The following SRBD1 variants were observed in gnomAD, a reference collection of about 807,000 sequenced individuals.
SRBD1 encodes the protein S1 RNA-binding domain-containing protein 1.
Under a neutral mutation model 115.3 loss-of-function variants are expected in SRBD1, and 88 were observed. That is an observed-to-expected ratio of 0.76 (90% CI 0.64 to 0.91). The LOEUF (loss-of-function observed/expected upper bound fraction) is 0.91, where lower values mean the gene tolerates loss of function less well. SRBD1 is among the 40% of genes least tolerant of loss of function. The pLI is 0.00. For missense variants in SRBD1, 1,385 were observed against 1,177.4 expected (o/e 1.18, Z -2.58); for synonymous variants, 509 against 407.7 (o/e 1.25, Z -2.99).
intron 4 of SRBD1, among the ~76,000 whole-genome samples, chr2:45,590,191 G>C (rs568941976): frequency 6.6e-6 from 1 of 152,178 alleles, no homozygotes; most frequent in Non-Finnish European, 1.5e-5. Context: ...TTATTACAGC[G>C]AAAGAGATCT....
chr2:45,500,723 T>C (rs1470611280), intron 14 of SRBD1, among the ~76,000 whole-genome samples: 2 of 152,170 alleles, frequency 1.3e-5, no homozygotes, highest in Non-Finnish European at 2.9e-5. Context: ...GCCAACAGTA[T>C]TGATTTTCAT....
intron 19 of SRBD1, 113 bp downstream of exon 19, chr2:45,412,998 ATGT>A: frequency 8.3e-7 from 1 of 1,199,364 alleles, no homozygotes; most frequent in South Asian, 1.6e-5. Context: ...CTTCTGAAAA[ATGT>A]TGTCACATTA....
intron 19 of SRBD1, among the ~76,000 whole-genome samples, chr2:45,396,529 A>C (rs2103821578): frequency 6.6e-6 from 1 of 152,346 alleles, no homozygotes; most frequent in Admixed American, 6.5e-5. Context: ...AAGTACCATA[A>C]ATGCAACAAA....
chr2:45,413,401 G>C, intron 18 of SRBD1, 108 bp from the exon 19 acceptor site: 1 of 1,291,888 alleles, frequency 7.7e-7, no homozygotes. Context: ...TGCGAAAACA[G>C]CAACCAGATT....
chr2:45,414,789 G>C (rs1305532553), intron 18 of SRBD1, among the ~76,000 whole-genome samples: 2 of 141,120 alleles, frequency 1.4e-5, no homozygotes, highest in Non-Finnish European at 3.1e-5. Context: ...CACACACATA[G>C]TGTGTATATA....
intron 14 of SRBD1, among the ~76,000 whole-genome samples, chr2:45,503,744 G>C (rs1225771812): frequency 1.3e-5 from 2 of 152,068 alleles, no homozygotes; most frequent in Non-Finnish European, 2.9e-5. Flanking sequence ...GTAATATTAA[G>C]GTTATTCATT....
intron 19 of SRBD1, among the ~76,000 whole-genome samples, chr2:45,407,787 T>C (rs563918287): frequency 6.6e-6 from 1 of 151,782 alleles, no homozygotes; most frequent in Non-Finnish European, 1.5e-5. Flanking sequence ...TAAGCAGATA[T>C]AAAAGGTAAA....
intron 4 of SRBD1, among the ~76,000 whole-genome samples, chr2:45,587,631 A>C (rs181215702): frequency 2.0e-5 from 3 of 152,350 alleles, no homozygotes; most frequent in East Asian, 3.9e-4. Context: ...TCAAGACTAC[A>C]TATGAAATAA....
At chr2:45,443,463 G>T (rs564493247) in intron 16 of SRBD1, among the ~76,000 whole-genome samples, 8 of 152,108 alleles carry the variant, frequency 5.3e-5, no homozygotes, top group Non-Finnish European at 1.0e-4. Flanking sequence ...TTGGTGGGGG[G>T]GATTAGTGGA....
At chr2:45,417,941 T>TA (rs1667880680) in intron 18 of SRBD1, among the ~76,000 whole-genome samples, 1 of 152,200 alleles carries the variant, frequency 6.6e-6, no homozygotes, top group Non-Finnish European at 1.5e-5. Context: ...TGTGCACACT[T>TA]AGTGTTCACT....
chr2:45,509,085 C>T (rs560340401), intron 14 of SRBD1, among the ~76,000 whole-genome samples: 3 of 152,204 alleles, frequency 2.0e-5, no homozygotes, highest in East Asian at 1.9e-4. Context: ...AAAGTACTTA[C>T]GATACAAACT....
chr2:45,397,202 C>G (rs1667171149), intron 19 of SRBD1, among the ~76,000 whole-genome samples: 1 of 152,088 alleles, frequency 6.6e-6, no homozygotes, highest in Non-Finnish European at 1.5e-5. Flanking sequence ...AGCTTATACT[C>G]TAAGAAAATC....
intron 14 of SRBD1, among the ~76,000 whole-genome samples, chr2:45,524,447 C>T (rs1439796893): frequency 1.3e-5 from 2 of 151,950 alleles, no homozygotes; most frequent in Non-Finnish European, 2.9e-5. Context: ...ACATGTTCAA[C>T]AAGTTTGCAA....
intron 8 of SRBD1, among the ~76,000 whole-genome samples, chr2:45,573,629 T>C (rs573064656): frequency 2.8e-4 from 43 of 152,274 alleles, no homozygotes; most frequent in African/African-American, 9.1e-4. Context: ...AAACTATCTA[T>C]AGAAATCAAA....
chr2:45,463,916 T>C (rs544963644), intron 16 of SRBD1, among the ~76,000 whole-genome samples: 1 of 152,260 alleles, frequency 6.6e-6, no homozygotes, highest in Non-Finnish European at 1.5e-5. Flanking sequence ...TACATTTTGA[T>C]GAATAAGTTC....
intron 14 of SRBD1, among the ~76,000 whole-genome samples, chr2:45,518,044 G>A (rs564231793): frequency 1.3e-5 from 2 of 152,176 alleles, no homozygotes; most frequent in East Asian, 1.9e-4. Context: ...TTTATTTGAT[G>A]AGAAAGTGTA....
intron 14 of SRBD1, among the ~76,000 whole-genome samples, chr2:45,500,081 T>C (rs1670580842): frequency 6.6e-6 from 1 of 152,222 alleles, no homozygotes; most frequent in South Asian, 2.1e-4. Flanking sequence ...TAGATCACTT[T>C]GGGTAGTAAA....
intron 16 of SRBD1, among the ~76,000 whole-genome samples, chr2:45,474,328 ACTGT>A (rs1669740567): frequency 6.6e-6 from 1 of 152,070 alleles, no homozygotes; most frequent in Non-Finnish European, 1.5e-5. Flanking sequence ...AGAGTCCCTA[ACTGT>A]CTGTCTGTGT....
chr2:45,600,899 T>G (rs571167572), intron 3 of SRBD1, among the ~76,000 whole-genome samples: 1 of 152,098 alleles, frequency 6.6e-6, no homozygotes, highest in Non-Finnish European at 1.5e-5. Flanking sequence ...AGAACTACAA[T>G]AAAGAGCACC....
Sources: allele counts gnomAD v4.1 joint callset (sites outside exome capture counted in the v4.1 genomes callset), GRCh38; gene constraint gnomAD v4.1.1; transcripts MANE v1.5; gene names NCBI Gene and HGNC (gene_info 2026-07-23, HGNC 2026-07-21).